Variants in PRDM5 observed in about 807,000 individuals in gnomAD.
PRDM5 encodes PR domain zinc finger protein 5.
PRDM5 carries 56 observed loss-of-function variants against 81.2 expected under a neutral mutation model. The observed-to-expected ratio is 0.69, with a 90% confidence interval of 0.56 to 0.86. The LOEUF (loss-of-function observed/expected upper bound fraction) is 0.86. PRDM5 is among the 40% of genes least tolerant of loss of function. The pLI, the probability that PRDM5 is intolerant of heterozygous loss-of-function variation, is 0.00. For missense variants in PRDM5, 697 were observed against 770.1 expected (o/e 0.91, Z 1.12); for synonymous variants, 267 against 256.4 (o/e 1.04, Z -0.39).
chr4:120,910,749 G>C (rs1187888567), intron 1 of PRDM5, among the ~76,000 whole-genome samples: 1 of 152,126 alleles, frequency 6.6e-6, no homozygotes, highest in Non-Finnish European at 1.5e-5. Flanking sequence ...CATCATAAAT[G>C]AAGTATATAC....
rs180894307 is a variant in PRDM5, at chr4:120,818,620, G to C, written c.476-93C>G. The C allele has an allele frequency of 2.7e-4, 287 of 1,062,234 alleles. 1 individual carries two copies. In the African/African-American group the frequency reaches 4.2e-3, roughly 15 times the overall value. The allele number at this position is 1,062,234 out of a possible 1,614,324, so 65.8% of individuals were successfully genotyped here. On this transcript the variant is annotated intron_variant, in intron 4 of 15. Transcript: ENST00000264808. ...CTCATTTTAAATTAATTAATTAATT[G>C]TGCTTAATGATACCATATGAATAAA...
intron 15 of PRDM5, among the ~76,000 whole-genome samples, chr4:120,701,149 A>C (rs369700711): frequency 2.3e-5 from 3 of 128,108 alleles, no homozygotes; most frequent in African/African-American, 1.2e-4. Context: ...AAAAACAAAC[A>C]AAAAAAAAAG....
intron 8 of PRDM5, among the ~76,000 whole-genome samples, chr4:120,811,050 A>T (rs554060844): frequency 6.6e-6 from 1 of 152,294 alleles, no homozygotes; most frequent in East Asian, 1.9e-4. Flanking sequence ...TAAAGAAAAT[A>T]TCTCATGCTC....
chr4:120,788,636 A>C (rs1750113104), intron 10 of PRDM5, among the ~76,000 whole-genome samples: 1 of 152,208 alleles, frequency 6.6e-6, no homozygotes, highest in Non-Finnish European at 1.5e-5. Context: ...TTGGGACATA[A>C]CATGACTTAA....
At chr4:120,723,937 T>C (rs1739022954) in intron 14 of PRDM5, among the ~76,000 whole-genome samples, 1 of 147,242 alleles carries the variant, frequency 6.8e-6, no homozygotes, top group African/African-American at 2.5e-5. Flanking sequence ...TTTTTTTTTT[T>C]TTTTTTTTTT....
chr4:120,696,211 T>C (rs1371075250), intron 15 of PRDM5, among the ~76,000 whole-genome samples: 5 of 152,218 alleles, frequency 3.3e-5, no homozygotes, highest in African/African-American at 1.2e-4. Flanking sequence ...CAGCATAGTG[T>C]GGTATAAAGA....
At chr4:120,833,764 CA>C (rs761100229) in intron 3 of PRDM5, among the ~76,000 whole-genome samples, 24 of 152,192 alleles carry the variant, frequency 1.6e-4, no homozygotes, top group African/African-American at 3.9e-4. Flanking sequence ...CAGTTTCAGG[CA>C]TTCACGGGGG....
chr4:120,765,476 C>T (rs1746246046), intron 13 of PRDM5, among the ~76,000 whole-genome samples: 3 of 152,334 alleles, frequency 2.0e-5, no homozygotes, highest in African/African-American at 7.2e-5. Flanking sequence ...TCAGCTCTCA[C>T]TGACCCTAAG....
At chr4:120,775,005 CAA>C (rs1328013945) in intron 13 of PRDM5, among the ~76,000 whole-genome samples, 3 of 149,308 alleles carry the variant, frequency 2.0e-5, no homozygotes, top group African/African-American at 7.4e-5. Context: ...TATATATACA[CAA>C]ACACATATAT....
intron 13 of PRDM5, among the ~76,000 whole-genome samples, chr4:120,768,103 T>G (rs2149200180): frequency 6.6e-6 from 1 of 152,226 alleles, no homozygotes; most frequent in South Asian, 2.1e-4. Flanking sequence ...AATCAATAAA[T>G]AAAAACATCA....
At chr4:120,884,158 G>C (rs1392020097) in intron 2 of PRDM5, among the ~76,000 whole-genome samples, 1 of 152,036 alleles carries the variant, frequency 6.6e-6, no homozygotes, top group Non-Finnish European at 1.5e-5. Flanking sequence ...TTTATATAGG[G>C]ATCCCATTGG....
chr4:120,720,055 G>C (rs1738367116), intron 14 of PRDM5, among the ~76,000 whole-genome samples: 1 of 152,130 alleles, frequency 6.6e-6, no homozygotes, highest in South Asian at 2.1e-4. Context: ...AGACTGGTGA[G>C]CAGTAGATTC....
chr4:120,793,930 T>G (rs748978532), intron 10 of PRDM5, among the ~76,000 whole-genome samples: 7 of 148,658 alleles, frequency 4.7e-5, no homozygotes, highest in African/African-American at 9.7e-5. Flanking sequence ...CTTGTCATTA[T>G]GCTTCAATAA....
At chr4:120,698,667 G>T (rs1388881680) in intron 15 of PRDM5, among the ~76,000 whole-genome samples, 1 of 152,134 alleles carries the variant, frequency 6.6e-6, no homozygotes, top group Non-Finnish European at 1.5e-5. Flanking sequence ...ACTGAACTCA[G>T]AATTCTTGTC....
At chr4:120,849,991 T>C (rs1187197754) in intron 3 of PRDM5, among the ~76,000 whole-genome samples, 2 of 152,138 alleles carry the variant, frequency 1.3e-5, no homozygotes, top group African/African-American at 2.4e-5. Context: ...AGATCCGTCT[T>C]TGATAATTCA....
intron 14 of PRDM5, among the ~76,000 whole-genome samples, chr4:120,721,833 G>A (rs1367025913): frequency 2.0e-5 from 3 of 152,206 alleles, no homozygotes; most frequent in Non-Finnish European, 4.4e-5. Context: ...CCATGTAGCC[G>A]TAACATGGGA....
intron 2 of PRDM5, among the ~76,000 whole-genome samples, chr4:120,866,393 T>C (rs896062): frequency 0.048 from 7,278 of 152,328 alleles, 573 homozygotes; most frequent in African/African-American, 0.16. Context: ...TTGCATTTTA[T>C]ACTCATTTAT....
At chr4:120,804,624 C>G (rs1269302382) in intron 8 of PRDM5, among the ~76,000 whole-genome samples, 2 of 152,148 alleles carry the variant, frequency 1.3e-5, no homozygotes, top group African/African-American at 2.4e-5. Context: ...AAAATGAAGG[C>G]AGAAATAAAG....
chr4:120,888,927 C>CA (rs1284182463), intron 2 of PRDM5, among the ~76,000 whole-genome samples: 6 of 152,014 alleles, frequency 3.9e-5, no homozygotes, highest in African/African-American at 1.4e-4. Flanking sequence ...GCCCATTTTT[C>CA]TTTTTTTTAA....
Sources: allele counts gnomAD v4.1 joint callset (sites outside exome capture counted in the v4.1 genomes callset), GRCh38; gene constraint gnomAD v4.1.1; transcripts MANE v1.5; gene names NCBI Gene and HGNC (gene_info 2026-07-23, HGNC 2026-07-21).